The following PDE3B variants were observed in gnomAD, a reference collection of about 807,000 sequenced individuals.
PDE3B encodes the protein cGMP-inhibited 3',5'-cyclic phosphodiesterase 3B.
A neutral mutation model predicts 116.8 loss-of-function variants in PDE3B; 66 were observed. The ratio of observed to expected loss-of-function variants is 0.56; its 90% CI spans 0.46 to 0.69. PDE3B has a LOEUF of 0.69. PDE3B is among the 30% of genes least tolerant of loss of function. The probability of loss-of-function intolerance (pLI) is 0.00; values close to 1 mark genes in which losing one functional copy is unlikely to be tolerated. For missense variants in PDE3B, 1,384 were observed against 1,368.1 expected, an observed-to-expected ratio of 1.01 and a Z score of -0.18; for synonymous variants, 595 against 533.6, an observed-to-expected ratio of 1.12 and a Z score of -1.59.
chr11:14,826,141 G>A (rs903091065), intron 7 of PDE3B, among the ~76,000 whole-genome samples: 1 of 152,126 alleles, frequency 6.6e-6, no homozygotes, highest in South Asian at 2.1e-4. Flanking sequence ...GAAATTTATA[G>A]CACTAAGCAG....
chr11:14,843,212 TAG>T (rs1295035190), intron 11 of PDE3B, among the ~76,000 whole-genome samples: 8 of 152,164 alleles, frequency 5.3e-5, no homozygotes, highest in Admixed American at 5.2e-4. Context: ...AGGATAAAAA[TAG>T]AGTTATGTTG....
At position 14,818,308 on chromosome 11, in the gene PDE3B, A is replaced by G. The variant is rs1859397008; in HGVS notation, c.1648A>G (p.Ile550Val). 8 of 1,613,538 alleles carry G rather than the reference A, an allele frequency of 5.0e-6. No homozygotes were observed. Among genetic ancestry groups the G allele is most frequent in the Non-Finnish European group, 6.8e-6 (8 of 1,179,620 alleles). The change falls in exon 6 of 16, where the codon ATC becomes GTC. Residue 550 changes from isoleucine (I) to valine (V), a missense_variant. Physicochemically the swap from Ile to Val is conservative, Grantham distance 29 (BLOSUM62 3). Transcript: ENST00000282096. ...TADFLNKPSV[I>V]LQRSLGNAPN... ...TGATTTTCTTAATAAGCCAAGCGTT[A>G]TCTTGCAGAGATCTCTGGGCAATGC...
chr11:14,805,637 TCAAA>T (rs754858191), intron 5 of PDE3B, among the ~76,000 whole-genome samples: 16 of 152,226 alleles, frequency 1.1e-4, no homozygotes, highest in Non-Finnish European at 1.9e-4. Flanking sequence ...TACATTTTTT[TCAAA>T]CAAACAAAAG....
chr11:14,736,188 G>A (rs1189286832), intron 1 of PDE3B, among the ~76,000 whole-genome samples: 1 of 152,152 alleles, frequency 6.6e-6, no homozygotes, highest in Non-Finnish European at 1.5e-5. Context: ...AGTTGAGGGC[G>A]GCCTGGGAAG....
chr11:14,832,911 G>T, intron 10 of PDE3B, 78 bp downstream of exon 10: 1 of 676,948 alleles, frequency 1.5e-6, no homozygotes, highest in Non-Finnish European at 2.6e-6. Flanking sequence ...CTCTTCAGAT[G>T]GTCCCTTAAA....
chr11:14,644,304 CGGGCGCGCCTCTCGCT>C lies in PDE3B; in HGVS notation c.236_251del (p.Arg79ProfsTer29). 6.4e-7 allele frequency: 1 copy of C among 1,564,452 alleles called. No individual in the cohort carries two copies. The highest frequency in any genetic ancestry group is 8.6e-7 in the Non-Finnish European group (1 of 1,161,658). On this transcript the variant is annotated frameshift_variant, in exon 1 of 16. Transcript: ENST00000282096. LOFTEE classifies it high-confidence loss of function. ...GCCGCGGCGCTGCTCCCCCTTCTGC[CGGGCGCGCCTCTCGCT>C]GGGCGCCCTGGCTGCCTTTGTCCTC...
intron 14 of PDE3B, among the ~76,000 whole-genome samples, chr11:14,866,390 C>A (rs1208147803): frequency 1.3e-5 from 2 of 152,128 alleles, no homozygotes; most frequent in African/African-American, 4.8e-5. Context: ...ATGTAAAATT[C>A]TAACCATGCC....
At chr11:14,656,593 G>GTT (rs1853722334) in intron 1 of PDE3B, among the ~76,000 whole-genome samples, 1 of 152,132 alleles carries the variant, frequency 6.6e-6, no homozygotes, top group African/African-American at 2.4e-5. Context: ...TGGACAAGTT[G>GTT]TTTAACTTCT....
intron 15 of PDE3B, 88 bp downstream of exon 15, chr11:14,867,846 T>C: frequency 2.4e-6 from 3 of 1,236,506 alleles, no homozygotes; most frequent in Non-Finnish European, 3.3e-6. Flanking sequence ...TGCTCCAAAA[T>C]CCAAAATTTT....
intron 2 of PDE3B, 114 bp from the exon 3 acceptor site, chr11:14,786,323 C>G: frequency 1.4e-6 from 1 of 715,598 alleles, no homozygotes; most frequent in Non-Finnish European, 2.1e-6. Context: ...AATTAAAGTT[C>G]ACGGTTATTT....
At chr11:14,742,778 C>T (rs546243303) in intron 1 of PDE3B, among the ~76,000 whole-genome samples, 1 of 151,970 alleles carries the variant, frequency 6.6e-6, no homozygotes, top group Non-Finnish European at 1.5e-5. Context: ...AGTGGACATG[C>T]GATTTCTTTC....
At chr11:14,728,644 G>A (rs1242206406) in intron 1 of PDE3B, among the ~76,000 whole-genome samples, 1 of 152,046 alleles carries the variant, frequency 6.6e-6, no homozygotes, top group Non-Finnish European at 1.5e-5. Flanking sequence ...TTGAAATCTA[G>A]ATCTACTTGA....
In PDE3B at chr11:14,803,892, G is replaced by A. The variant is rs1377479492; in HGVS notation, c.1416-52G>A. 4 of 1,020,238 alleles carry A rather than the reference G, an allele frequency of 3.9e-6. No individual in the cohort carries two copies. The Admixed American group carries it at 7.0e-5, about 18-fold the overall frequency. 63.2% of individuals were successfully genotyped at this position (1,020,238 alleles called of 1,614,324 possible). A position where few individuals can be genotyped will look rare whatever the true frequency, so the allele number is the denominator to read the frequency against. ...AAATTGAGAACCATGAGGAAAAAAG[G>A]TGAAACTTTTCCTGTTTTTAAAAAT... On this transcript the variant is annotated intron_variant, in intron 4 of 15. Transcript: ENST00000282096.
downstream of PDE3B, among the ~76,000 whole-genome samples, chr11:14,875,020 A>G (rs1848175752): frequency 6.6e-6 from 1 of 152,070 alleles, no homozygotes; most frequent in Non-Finnish European, 1.5e-5. Context: ...GAGCACCACC[A>G]TCTCCTTGGC....
chr11:14,674,459 C>A, intron 1 of PDE3B: 2 of 597,400 alleles, frequency 3.3e-6, no homozygotes, highest in Non-Finnish European at 6.5e-6. Flanking sequence ...TTAATGGCAA[C>A]CTTTACACAC....
intron 2 of PDE3B, among the ~76,000 whole-genome samples, chr11:14,784,264 T>C (rs1858126268): frequency 6.6e-6 from 1 of 152,168 alleles, no homozygotes; most frequent in African/African-American, 2.4e-5. Flanking sequence ...GAAAGAACAA[T>C]GAAACAGGAA....
chr11:14,650,405 C>T lies in PDE3B; in HGVS notation c.978+5352C>T, dbSNP rs2204135. ...TTTTTTTTGTAGAGAAGGGGTTTCGCTGTGTTGCCCAGGCATGTCTCAAAC... is the reference window on the plus strand; with the variant it reads ...TTTTTTTTGTAGAGAAGGGGTTTCGTTGTGTTGCCCAGGCATGTCTCAAAC... On this transcript the variant is annotated intron_variant, in intron 1 of 15. Transcript: ENST00000282096. Among the ~76,000 whole-genome samples, 356 of 152,176 alleles carry T rather than the reference C, an allele frequency of 2.3e-3. 1 individual carries two copies. Among genetic ancestry groups the T allele is most frequent in the African/African-American group, 8.1e-3 (335 of 41,524 alleles).
chr11:14,843,009 A>G (rs144842108), intron 11 of PDE3B, among the ~76,000 whole-genome samples: 54 of 152,288 alleles, frequency 3.5e-4, no homozygotes, highest in African/African-American at 1.3e-3. Flanking sequence ...CTTTGTACCT[A>G]ATATCTGTGG....
intron 1 of PDE3B, among the ~76,000 whole-genome samples, chr11:14,759,887 G>A (rs538494997): frequency 2.0e-5 from 3 of 152,204 alleles, no homozygotes; most frequent in African/African-American, 7.2e-5. Context: ...AGCTTCAGGA[G>A]GAGGCTAAGT....
Sources: allele counts gnomAD v4.1 joint callset (sites outside exome capture counted in the v4.1 genomes callset), GRCh38; gene constraint gnomAD v4.1.1; transcripts MANE v1.5; gene names NCBI Gene and HGNC (gene_info 2026-07-23, HGNC 2026-07-21).